Variants in BRD1 observed in about 807,000 individuals in gnomAD.
BRD1 encodes bromodomain-containing protein 1.
In BRD1, 24 loss-of-function variants were observed where a neutral mutation model predicts 107.7. That is an observed-to-expected ratio of 0.22 (90% confidence interval 0.16 to 0.31). The LOEUF (loss-of-function observed/expected upper bound fraction) is 0.31, where lower values mean the gene tolerates loss of function less well. BRD1 is among the 10% of genes least tolerant of loss of function. BRD1 has a pLI of 1.00. For missense variants in BRD1, 1,279 were observed against 1,638.6 expected (o/e 0.78, Z 3.79); for synonymous variants, 744 against 686.1 (o/e 1.08, Z -1.32).
At chr22:49,790,257 G>A (rs1016595088) in intron 7 of BRD1, among the ~76,000 whole-genome samples, 1 of 152,158 alleles carries the variant, frequency 6.6e-6, no homozygotes, top group East Asian at 1.9e-4. Flanking sequence ...AACAGGACCT[G>A]AGCCTCCAGG....
intron 3 of BRD1, among the ~76,000 whole-genome samples, chr22:49,802,647 C>T (rs2059662753): frequency 7.6e-6 from 1 of 131,024 alleles, no homozygotes; most frequent in Admixed American, 7.8e-5. Context: ...CCCAACATCG[C>T]GGGGGCCGAG....
At chr22:49,799,498 C>G (rs1033081036) in intron 3 of BRD1, among the ~76,000 whole-genome samples, 1 of 152,272 alleles carries the variant, frequency 6.6e-6, no homozygotes, top group African/African-American at 2.4e-5. Context: ...GAGGACCCAC[C>G]TCCAGGACAG....
rs747451261 is a variant in BRD1 at position 49,824,731 on chromosome 22, G to A, written c.-14-400C>T. ...GGTCCCCCAGGAAGTCCACATACAG[G>A]GCTGGACCCCACCAGGCACAGAGGC... On this transcript the variant is annotated intron_variant, in intron 1 of 12. Coordinates refer to ENST00000404760, the MANE Select transcript of BRD1 (RefSeq NM_001304808.3). This position sits in a 1 kb window ranked among gnomAD's most constrained non-coding sequence, Gnocchi z 5.9. 2.0e-5 allele frequency: 21 copies of A among 1,058,854 alleles called. 1 individual carries two copies. The highest frequency in any genetic ancestry group is 1.8e-5 in the Non-Finnish European group (16 of 873,858). The allele number at this position is 1,058,854 out of a possible 1,614,324, so 65.6% of individuals were successfully genotyped here. A position where few individuals can be genotyped will look rare whatever the true frequency, so the allele number is the denominator to read the frequency against.
At chr22:49,822,739 T>C (rs759714492) in intron 2 of BRD1, among the ~76,000 whole-genome samples, 4 of 151,956 alleles carry the variant, frequency 2.6e-5, no homozygotes, top group Non-Finnish European at 4.4e-5. Flanking sequence ...AACTACAGAT[T>C]ATTCCAAGCC....
chr22:49,788,788 A>T (rs575813244), intron 7 of BRD1, among the ~76,000 whole-genome samples: 11 of 152,346 alleles, frequency 7.2e-5, no homozygotes, highest in African/African-American at 2.6e-4. Context: ...AGGAAGTGTG[A>T]CATAAAACCA....
In BRD1 at chr22:49,792,185, A is replaced by G. The variant is rs1256695724; in HGVS notation, c.2359+1849T>C. ...ATGGAGGAAGCCACTGATAAAAAAA[A>G]AAAGCTAAAAAGGTAACTTACTGCT... On this transcript the variant is annotated intron_variant, in intron 7 of 12. Coordinates refer to ENST00000404760, the MANE Select transcript of BRD1 (RefSeq NM_001304808.3). This position sits in a 1 kb window ranked among gnomAD's most constrained non-coding sequence, Gnocchi z 4.2. Among the ~76,000 whole-genome samples, 2 of 152,214 alleles carry G rather than the reference A, an allele frequency of 1.3e-5. No individual in the cohort carries two copies. Among genetic ancestry groups the G allele is most frequent in the Non-Finnish European group, 2.9e-5 (2 of 68,028 alleles).
intron 3 of BRD1, among the ~76,000 whole-genome samples, chr22:49,800,206 C>T (rs982693994): frequency 6.6e-6 from 1 of 152,128 alleles, no homozygotes; most frequent in East Asian, 1.9e-4. Flanking sequence ...GCAAGGACCC[C>T]GGACTCCAAA....
At position 49,788,184 on chromosome 22, in the gene BRD1, GAC is replaced by G. The variant is rs375603439; in HGVS notation, c.2360-299_2360-298del. On this transcript the variant is annotated intron_variant, in intron 7 of 12. Coordinates refer to ENST00000404760, the MANE Select transcript of BRD1 (RefSeq NM_001304808.3). The stretch of plus-strand genomic sequence containing the variant: ...TATTAAACACGTCACTCGAGTTCAT[GAC>G]AGTTTCTGCAATGAATAATTCACTT... 5.0e-3 allele frequency among the ~76,000 whole-genome samples: 764 copies of G among 152,294 alleles called. 7 individuals carry two copies. The highest frequency in any genetic ancestry group is 0.018 in the African/African-American group (728 of 41,550).
At position 49,827,846 on chromosome 22, in the gene BRD1, G is replaced by A. The variant is rs1184867782; in HGVS notation, c.-364C>T. Among the ~76,000 whole-genome samples, 1 of 145,952 alleles carries A rather than the reference G, an allele frequency of 6.9e-6. No individual in the cohort carries two copies. Among genetic ancestry groups the A allele is most frequent in the Non-Finnish European group, 1.5e-5 (1 of 65,734 alleles). ...CTCGGACTCCAGGGCCGGGTCGCTC[G>A]CTCGCTCCCCAGCGAAGCAAACAAT... On this transcript the variant is annotated 5_prime_UTR_variant, in exon 1 of 13. Transcript: ENST00000404760.
chr22:49,823,371 C>G lies in BRD1; in HGVS notation c.947G>C (p.Arg316Thr). 6.2e-7 allele frequency: 1 copy of G among 1,614,014 alleles called. No homozygotes were observed. Among genetic ancestry groups the G allele is most frequent in the South Asian group, 1.1e-5 (1 of 91,092 alleles). The change falls in exon 2 of 13, where the codon AGG becomes ACG. Residue 316 changes from arginine to threonine, a missense_variant. Arg to Thr is a moderately conservative substitution (Grantham distance 71). Coordinates refer to ENST00000404760, the MANE Select transcript of BRD1 (RefSeq NM_001304808.3). Reference sequence around the variant, plus strand: ...TTTCCACCGGGCTGGAGGGATGTTCCTCACCCCATCGATGGGCTCGATGAA... The same window carrying G: ...TTTCCACCGGGCTGGAGGGATGTTCGTCACCCCATCGATGGGCTCGATGAA... Reference protein sequence around the residue: ...TVFIEPIDGVRNIPPARWKLT... With the variant: ...TVFIEPIDGVTNIPPARWKLT...
At chr22:49,798,836 C>A (rs1479075228) in intron 4 of BRD1, 150 bp from the exon 5 acceptor site, 6 of 1,433,322 alleles carry the variant, frequency 4.2e-6, no homozygotes, top group Non-Finnish European at 3.7e-6. Flanking sequence ...GCTCTGCAAC[C>A]CATGGCAGCC....
At chr22:49,820,427 G>A (rs1449028357) in intron 2 of BRD1, among the ~76,000 whole-genome samples, 1 of 152,014 alleles carries the variant, frequency 6.6e-6, no homozygotes, top group Admixed American at 6.5e-5. Flanking sequence ...CCCCGCCCAC[G>A]GCTGCACATC....
At chr22:49,814,843 C>A (rs879745346) in intron 2 of BRD1, among the ~76,000 whole-genome samples, 1 of 152,140 alleles carries the variant, frequency 6.6e-6, no homozygotes, top group Non-Finnish European at 1.5e-5. Flanking sequence ...CCCACTTCTA[C>A]CAAAAGTAAG....
At chr22:49,826,155 T>C (rs1158114987) in intron 1 of BRD1, 1 of 985,102 alleles carries the variant, frequency 1.0e-6, no homozygotes, top group South Asian at 4.7e-5. Context: ...ACTCACCAGA[T>C]CAGAAACGAA....
chr22:49,816,727 T>C (rs1275636949), intron 2 of BRD1, among the ~76,000 whole-genome samples: 1 of 152,228 alleles, frequency 6.6e-6, no homozygotes, highest in Admixed American at 6.5e-5. Flanking sequence ...AGTGAGACCC[T>C]GTCTCTATAA....
intron 7 of BRD1, among the ~76,000 whole-genome samples, chr22:49,789,167 C>G (rs778577465): frequency 9.9e-5 from 15 of 152,190 alleles, no homozygotes; most frequent in Non-Finnish European, 1.9e-4. Context: ...CCGTGTCAGC[C>G]GCAGGGAGCA....
In BRD1 at chr22:49,824,836, T is replaced by A. The variant is rs2060129105; in HGVS notation, c.-14-505A>T. 2.0e-6 allele frequency: 2 copies of A among 1,003,062 alleles called. No homozygotes were observed. Among genetic ancestry groups the A allele is most frequent in the Non-Finnish European group, 2.4e-6 (2 of 839,012 alleles). 62.1% of individuals were successfully genotyped at this position (1,003,062 alleles called of 1,614,324 possible). The stretch of plus-strand genomic sequence containing the variant: ...CCTAAACCACTCTTCCCCTCCCCAC[T>A]ACTCCCAGGAGAGCACTCCCATGAG... On this transcript the variant is annotated intron_variant, in intron 1 of 12. Coordinates refer to ENST00000404760, the MANE Select transcript of BRD1 (RefSeq NM_001304808.3). This position sits in a 1 kb window ranked among gnomAD's most constrained non-coding sequence, Gnocchi z 5.9.
intron 2 of BRD1, among the ~76,000 whole-genome samples, chr22:49,816,070 C>T (rs1019419368): frequency 1.3e-5 from 2 of 152,158 alleles, no homozygotes; most frequent in Admixed American, 1.3e-4. Context: ...CGGGAGGTAC[C>T]CACACAGGGC....
intron 6 of BRD1, among the ~76,000 whole-genome samples, chr22:49,796,637 C>A (rs149312896): frequency 5.2e-5 from 8 of 152,388 alleles, no homozygotes; most frequent in African/African-American, 1.7e-4. Context: ...GGATTACAGG[C>A]ATGAGCCACA....
Sources: gnomAD v4.1 joint callset for allele counts (sites outside exome capture counted in the v4.1 genomes callset) on GRCh38, gnomAD v4.1.1 for gene constraint, Gnocchi (gnomAD v3.1) non-coding constraint, MANE v1.5 for transcripts, NCBI Gene and HGNC (gene_info 2026-07-23, HGNC 2026-07-21) for gene names.